Variants in BTAF1 observed in about 807,000 individuals in gnomAD.
The protein encoded by BTAF1 is B-TFIID TATA-box binding protein associated factor 1, also known as TATA-binding protein-associated factor 172.
BTAF1 carries 38 observed loss-of-function variants against 227.1 expected under a neutral mutation model. The ratio of observed to expected loss-of-function variants is 0.17; its 90% CI spans 0.13 to 0.22. The LOEUF is 0.22. Ranked by LOEUF, BTAF1 falls within the 10% of genes least tolerant of loss-of-function variation. The pLI, the probability that BTAF1 is intolerant of heterozygous loss-of-function variation, is 1.00. For synonymous variants in BTAF1, 742 were observed against 751.9 expected (o/e 0.99, Z 0.21); for missense variants, 1,598 against 2,204.0 (o/e 0.73, Z 5.51).
intron 4 of BTAF1, among the ~76,000 whole-genome samples, chr10:91,943,548 T>G (rs1845158665): frequency 6.6e-6 from 1 of 152,210 alleles, no homozygotes; most frequent in Non-Finnish European, 1.5e-5. Context: ...CTTATTAATA[T>G]ATTCACTTTT....
chr10:91,959,508 T>C (rs1208366440), intron 9 of BTAF1, among the ~76,000 whole-genome samples: 4 of 152,006 alleles, frequency 2.6e-5, no homozygotes, highest in Non-Finnish European at 5.9e-5. Context: ...AGAATTGTGA[T>C]ATAGTATATC....
intron 34 of BTAF1, among the ~76,000 whole-genome samples, chr10:92,021,510 A>G (rs936647714): frequency 2.6e-5 from 4 of 151,934 alleles, no homozygotes; most frequent in African/African-American, 7.3e-5. Flanking sequence ...ACTGTATTTC[A>G]TACTAGTCAG....
At chr10:91,961,178 G>A (rs1015658654) in intron 11 of BTAF1, among the ~76,000 whole-genome samples, 5 of 152,160 alleles carry the variant, frequency 3.3e-5, no homozygotes, top group East Asian at 1.9e-4. Flanking sequence ...AAGAAGAGAC[G>A]TGGAAGTAAA....
chr10:91,936,446 A>ATC (rs889413837), intron 2 of BTAF1, among the ~76,000 whole-genome samples: 11 of 152,188 alleles, frequency 7.2e-5, no homozygotes, highest in African/African-American at 2.4e-4. Flanking sequence ...GAGCCTCAGG[A>ATC]TCTCTCTCTC....
intron 33 of BTAF1, among the ~76,000 whole-genome samples, chr10:92,017,952 G>C (rs1335377494): frequency 6.6e-6 from 1 of 152,180 alleles, no homozygotes; most frequent in East Asian, 1.9e-4. Flanking sequence ...GGCTGAATCA[G>C]AGAAGAGACC....
intron 1 of BTAF1, among the ~76,000 whole-genome samples, chr10:91,926,794 T>C (rs1843867723): frequency 6.6e-6 from 1 of 152,270 alleles, no homozygotes; most frequent in Admixed American, 6.5e-5. Context: ...GCATCTCATT[T>C]CAATCTGTTC....
Position 91,991,271 on chromosome 10 carries a change from A to ATATATATATATATAT in BTAF1, c.2855-848_2855-847insTATATATATATATAT, listed in dbSNP as rs1564699914. 6.4e-3 allele frequency among the ~76,000 whole-genome samples: 420 copies of ATATATATATATATAT among 66,046 alleles called. 13 individuals carry two copies. The highest frequency in any genetic ancestry group is 0.013 in the South Asian group (22 of 1,700). 43.3% of individuals were successfully genotyped at this position (66,046 alleles called of 152,430 possible). A position where few individuals can be genotyped will look rare whatever the true frequency, so the allele number is the denominator to read the frequency against. On this transcript the variant is annotated intron_variant, in intron 20 of 37. Coordinates refer to ENST00000265990, the MANE Select transcript of BTAF1 (RefSeq NM_003972.3). ...AAAAAAATATATAAATATAAATATA[A>ATATATATATATATAT]ATATATATATATATATATATAAATT...
chr10:92,024,728 T>C lies in BTAF1; in HGVS notation c.4864-28T>C, dbSNP rs746307308. 2.7e-5 allele frequency: 40 copies of C among 1,503,136 alleles called. 1 individual carries two copies. The highest frequency in any genetic ancestry group is 1.2e-4 in the East Asian group (5 of 43,210). 93.1% of individuals were successfully genotyped at this position (1,503,136 alleles called of 1,614,324 possible). On this transcript the variant is annotated intron_variant, in intron 34 of 37. Coordinates refer to ENST00000265990, the MANE Select transcript of BTAF1 (RefSeq NM_003972.3). ...GTTTTCTGCTTTTATTGAACGCTTA[T>C]GTAGTTTTTTTTTTTTTTCTTCCTA...
chr10:91,934,424 A>G (rs188825996), intron 1 of BTAF1, among the ~76,000 whole-genome samples: 1 of 152,004 alleles, frequency 6.6e-6, no homozygotes, highest in East Asian at 1.9e-4. Context: ...TTTAGTAGAG[A>G]TGGGGTTTAA....
At chr10:91,966,327 C>T (rs1846909613) in intron 13 of BTAF1, among the ~76,000 whole-genome samples, 1 of 152,132 alleles carries the variant, frequency 6.6e-6, no homozygotes, top group South Asian at 2.1e-4. Flanking sequence ...TTCCTAAGAA[C>T]AATTACATTG....
At chr10:91,925,797 A>G (rs1456638398) in intron 1 of BTAF1, among the ~76,000 whole-genome samples, 1 of 152,234 alleles carries the variant, frequency 6.6e-6, no homozygotes, top group Non-Finnish European at 1.5e-5. Flanking sequence ...GGCGTGAGCC[A>G]CCGCGCCCAG....
chr10:91,994,920 T>C (rs962312070), intron 23 of BTAF1, among the ~76,000 whole-genome samples: 8 of 152,058 alleles, frequency 5.3e-5, no homozygotes, highest in African/African-American at 1.9e-4. Flanking sequence ...CAGATGTAAA[T>C]AGGAAAGAAA....
intron 11 of BTAF1, among the ~76,000 whole-genome samples, chr10:91,961,303 A>G (rs181225522): frequency 6.6e-6 from 1 of 152,224 alleles, no homozygotes; most frequent in African/African-American, 2.4e-5. Flanking sequence ...GCATTGGCCT[A>G]TATAGGCATT....
chr10:91,966,066 T>C (rs1846888680), intron 13 of BTAF1, among the ~76,000 whole-genome samples: 1 of 152,194 alleles, frequency 6.6e-6, no homozygotes, highest in South Asian at 2.1e-4. Context: ...TTTGTTTGCT[T>C]CCCCATTTAA....
chr10:91,973,391 A>C (rs1411215707), intron 14 of BTAF1, among the ~76,000 whole-genome samples: 1 of 152,232 alleles, frequency 6.6e-6, no homozygotes, highest in Non-Finnish European at 1.5e-5. Context: ...TTAATGCTAT[A>C]CAAGTATAAA....
At position 91,935,680 on chromosome 10, in the gene BTAF1, TG is replaced by T; in HGVS notation, c.40del (p.Asp14IlefsTer20). The T allele has an allele frequency of 6.2e-7, 1 of 1,613,518 alleles. No homozygotes were observed. The highest frequency in any genetic ancestry group is 8.5e-7 in the Non-Finnish European group (1 of 1,179,712). On this transcript the variant is annotated frameshift_variant, in exon 2 of 38. Transcript: ENST00000265990. LOFTEE classifies it high-confidence loss of function. ...VSRLDRLFIL[L>X]DTGTTPVTRK... is the part of the protein sequence containing the mutation. ...AGGCTAGATCGCCTTTTTATTTTAC[TG>T]GATACTGGCACTACTCCTGTTACAA... is the stretch of plus-strand genomic sequence containing the variant.
At chr10:91,969,004 G>A (rs1847111975) in intron 14 of BTAF1, among the ~76,000 whole-genome samples, 1 of 149,858 alleles carries the variant, frequency 6.7e-6, no homozygotes, top group African/African-American at 2.5e-5. Flanking sequence ...GAGACTACAA[G>A]CACGCACCAC....
intron 9 of BTAF1, 160 bp downstream of exon 9, chr10:91,959,314 G>A: frequency 1.4e-6 from 2 of 1,408,900 alleles, no homozygotes; most frequent in Non-Finnish European, 1.9e-6. Flanking sequence ...GAAAAGTAGA[G>A]TAAGATGAAT....
At position 92,024,297 on chromosome 10, in the gene BTAF1, T is replaced by G. The variant is rs142340191; in HGVS notation, c.4864-459T>G. Among the ~76,000 whole-genome samples the G allele has an allele frequency of 5.3e-4, 81 of 152,328 alleles. 1 individual carries two copies. The East Asian group carries it at 0.013, about 25-fold the overall frequency. ...TTGAATAACCCTTTAGGAACCAGTT[T>G]GTCTGCGGCATCTTCTTTGTCATTA... On this transcript the variant is annotated intron_variant, in intron 34 of 37. Transcript: ENST00000265990.
Sources: allele counts gnomAD v4.1 joint callset (sites outside exome capture counted in the v4.1 genomes callset), GRCh38; gene constraint gnomAD v4.1.1; transcripts MANE v1.5; gene names NCBI Gene and HGNC (gene_info 2026-07-23, HGNC 2026-07-21).